NXN: variants seen among roughly 807,000 people sequenced by gnomAD.
The protein encoded by NXN is nucleoredoxin 1.
A neutral mutation model predicts 48.6 loss-of-function variants in NXN; 16 were observed. The observed-to-expected ratio is 0.33, with a 90% CI of 0.22 to 0.50. The LOEUF (loss-of-function observed/expected upper bound fraction) is 0.50, where lower values mean the gene tolerates loss of function less well. NXN is among the 20% of genes least tolerant of loss of function. NXN has a pLI of 0.98. For synonymous variants in NXN, 281 were observed against 269.6 expected (o/e 1.04, Z -0.41); for missense variants, 492 against 605.5 (o/e 0.81, Z 1.97).
chr17:838,897 G>C (rs1057209639), intron 1 of NXN, among the ~76,000 whole-genome samples: 4 of 152,160 alleles, frequency 2.6e-5, no homozygotes, highest in Admixed American at 2.6e-4. Flanking sequence ...ATCTTCAGTC[G>C]ATACCTGTGT....
chr17:896,857 A>AGGGG, intron 1 of NXN: 1 of 577,952 alleles, frequency 1.7e-6, no homozygotes, highest in Non-Finnish European at 2.7e-6. Context: ...GGTCCTGACC[A>AGGGG]CCCGCCCCCG....
At position 883,467 on chromosome 17, in the gene NXN, C is replaced by T. The variant is rs547914805; in HGVS notation, c.361-57389G>A. 4.6e-5 allele frequency among the ~76,000 whole-genome samples: 7 copies of T among 152,300 alleles called. No individual in the cohort carries two copies. The South Asian group carries it at 8.3e-4, about 18-fold the overall frequency. On this transcript the variant is annotated intron_variant, in intron 1 of 7. Coordinates refer to ENST00000336868, the MANE Select transcript of NXN (RefSeq NM_022463.5). ...AATTTCCATCCACAGCTCCAAACCC[C>T]GCCTACATCACCTCCATGACCTCAG...
At chr17:910,700 C>T (rs1383332756) in intron 1 of NXN, 1 of 152,196 alleles carries the variant, frequency 6.6e-6, no homozygotes, top group Non-Finnish European at 1.5e-5. Flanking sequence ...CCAGATTCTT[C>T]AAGTAACTGT....
At chr17:826,947 C>T (rs974835749) in intron 1 of NXN, among the ~76,000 whole-genome samples, 5 of 152,230 alleles carry the variant, frequency 3.3e-5, no homozygotes, top group African/African-American at 7.2e-5. Context: ...GGCCTCTGTT[C>T]GCCATCGGGG....
chr17:955,170 T>A lies in NXN; in HGVS notation c.360+24149A>T, dbSNP rs1597273515. On this transcript the variant is annotated intron_variant, in intron 1 of 7. Transcript: ENST00000336868. ...AGCATGCTCATCTCTTTCTTTTTTT[T>A]TTTTTTTTTTTTCCTGAGACAGAGT... 8.7e-5 allele frequency among the ~76,000 whole-genome samples: 13 copies of A among 149,056 alleles called. No individual in the cohort carries two copies. In the South Asian group the frequency reaches 2.8e-3, roughly 32 times the overall value.
chr17:882,864 G>A (rs532121822), intron 1 of NXN, among the ~76,000 whole-genome samples: 41 of 152,206 alleles, frequency 2.7e-4, no homozygotes, highest in African/African-American at 9.9e-4. Flanking sequence ...CCGGGTTCAA[G>A]CGATTCTCTT....
chr17:946,691 G>A (rs2069047616), intron 1 of NXN, among the ~76,000 whole-genome samples: 2 of 152,288 alleles, frequency 1.3e-5, no homozygotes, highest in Non-Finnish European at 2.9e-5. Flanking sequence ...AAAAAGAATC[G>A]GCTCTGGAGG....
intron 1 of NXN, among the ~76,000 whole-genome samples, chr17:875,125 G>A (rs541612972): frequency 2.4e-4 from 36 of 151,716 alleles, no homozygotes; most frequent in Non-Finnish European, 2.8e-4. Context: ...TCCGCCTCCC[G>A]GGTTCAAGTG....
intron 1 of NXN, among the ~76,000 whole-genome samples, chr17:933,949 A>G (rs1269272202): frequency 6.6e-6 from 1 of 152,226 alleles, no homozygotes; most frequent in African/African-American, 2.4e-5. Context: ...TTATTAATTG[A>G]AAAATAAACA....
At chr17:922,711 G>C (rs112418755) in intron 1 of NXN, among the ~76,000 whole-genome samples, 1 of 151,860 alleles carries the variant, frequency 6.6e-6, no homozygotes, top group South Asian at 2.1e-4. Context: ...GAGTGCAGTG[G>C]TGCGATCTCG....
chr17:924,764 C>A (rs1344692363), intron 1 of NXN, among the ~76,000 whole-genome samples: 1 of 152,236 alleles, frequency 6.6e-6, no homozygotes, highest in East Asian at 1.9e-4. Context: ...CAGCCCTTGG[C>A]AGCACCAAGC....
chr17:808,011 G>A (rs778818574), intron 5 of NXN, among the ~76,000 whole-genome samples: 12 of 152,146 alleles, frequency 7.9e-5, no homozygotes, highest in South Asian at 4.1e-4. Flanking sequence ...TTACAGTAGG[G>A]ATGGGGGTCA....
chr17:878,808 T>TA lies in NXN; in HGVS notation c.361-52731dup, dbSNP rs564813357. 2.0e-4 allele frequency among the ~76,000 whole-genome samples: 30 copies of TA among 152,166 alleles called. 2 individuals are homozygous for TA. In the South Asian group the frequency reaches 5.4e-3, roughly 27 times the overall value. The stretch of plus-strand genomic sequence containing the variant: ...TGAGACCCTATTCATAACCAGAGCC[T>TA]AAAAAAACACGCAGAGCCAGTTAAA... On this transcript the variant is annotated intron_variant, in intron 1 of 7. Coordinates refer to ENST00000336868, the MANE Select transcript of NXN (RefSeq NM_022463.5).
At position 829,107 on chromosome 17, in the gene NXN, G is replaced by C. The variant is rs140467476; in HGVS notation, c.361-3029C>G. Among the ~76,000 whole-genome samples the C allele has an allele frequency of 6.6e-3, 989 of 150,990 alleles. 8 individuals are homozygous for C. Among genetic ancestry groups the C allele is most frequent in the Non-Finnish European group, 0.011 (751 of 67,780 alleles). On this transcript the variant is annotated intron_variant, in intron 1 of 7. Transcript: ENST00000336868. ...CATTCATTTTTCCAGTTCGCTAGGG[G>C]GAAAAAATGACAAGTCATTTTTGTT...
chr17:955,878 G>A lies in NXN; in HGVS notation c.360+23441C>T, dbSNP rs1186988843. On this transcript the variant is annotated intron_variant, in intron 1 of 7. Transcript: ENST00000336868. The stretch of plus-strand genomic sequence containing the variant: ...GATTGTGCCACTGCACTCCAGCCTG[G>A]GCGACAGAGCGAGACTCCATCTCAA... Among the ~76,000 whole-genome samples, 12 of 151,050 alleles carry A rather than the reference G, an allele frequency of 7.9e-5. 1 individual carries two copies. The South Asian group carries it at 2.1e-3, about 27-fold the overall frequency.
At chr17:812,919 TGTGTGC>T (rs1205110223) in intron 5 of NXN, among the ~76,000 whole-genome samples, 1 of 148,932 alleles carries the variant, frequency 6.7e-6, no homozygotes, top group Non-Finnish European at 1.5e-5. Flanking sequence ...TGACTGTAGG[TGTGTGC>T]GTGTGTGAGT....
intron 1 of NXN, among the ~76,000 whole-genome samples, chr17:921,421 A>G (rs1054611888): frequency 2.0e-5 from 3 of 151,966 alleles, no homozygotes; most frequent in Non-Finnish European, 2.9e-5. Flanking sequence ...GCCCCCTGAA[A>G]CTGCTGCTTT....
chr17:811,795 C>T (rs753050605), intron 5 of NXN, among the ~76,000 whole-genome samples: 1 of 152,158 alleles, frequency 6.6e-6, no homozygotes, highest in African/African-American at 2.4e-5. Context: ...ACTCCCCCAC[C>T]CGTACCGCCC....
chr17:846,815 T>C (rs8071817), intron 1 of NXN, among the ~76,000 whole-genome samples: 3,386 of 152,098 alleles, frequency 0.022, 74 homozygotes, highest in African/African-American at 0.052. Context: ...TGTGGCATGC[T>C]GGGCACTTAA....
Sources: allele counts gnomAD v4.1 joint callset (sites outside exome capture counted in the v4.1 genomes callset), GRCh38; gene constraint gnomAD v4.1.1; transcripts MANE v1.5; gene names NCBI Gene and HGNC (gene_info 2026-07-23, HGNC 2026-07-21).